NRG3: variants seen among roughly 807,000 people sequenced by gnomAD.
The protein encoded by NRG3 is neuregulin 3.
NRG3 carries 31 observed loss-of-function variants against 66.9 expected under a neutral mutation model. That is an observed-to-expected ratio of 0.46 (90% confidence interval 0.35 to 0.63). The LOEUF is 0.63. Ranked by LOEUF, NRG3 falls within the 20% of genes least tolerant of loss-of-function variation. The pLI is 0.00. For missense variants in NRG3, 910 were observed against 878.9 expected, an observed-to-expected ratio of 1.04 and a Z score of -0.45; for synonymous variants, 393 against 359.4, an observed-to-expected ratio of 1.09 and a Z score of -1.06.
chr10:81,953,416 C>G (rs1362004665), intron 1 of NRG3, among the ~76,000 whole-genome samples: 1 of 152,152 alleles, frequency 6.6e-6, no homozygotes. Context: ...CAGCAGGGCT[C>G]TGTCTTTCCT....
intron 1 of NRG3, among the ~76,000 whole-genome samples, chr10:82,113,622 A>G (rs146385396): frequency 1.1e-4 from 17 of 152,262 alleles, no homozygotes; most frequent in African/African-American, 3.4e-4. Context: ...TGGACCCTGG[A>G]ACAGATAAAA....
At chr10:82,131,300 C>G (rs2068800517) in intron 1 of NRG3, among the ~76,000 whole-genome samples, 1 of 152,032 alleles carries the variant, frequency 6.6e-6, no homozygotes. Flanking sequence ...AGAGACTACC[C>G]TTTCCCCAAT....
At chr10:81,918,671 CAAA>C (rs1845931513) in intron 1 of NRG3, among the ~76,000 whole-genome samples, 4 of 151,958 alleles carry the variant, frequency 2.6e-5, no homozygotes, top group South Asian at 2.1e-4. Flanking sequence ...TAAATTCAGT[CAAA>C]AGAAGATGCT....
chr10:81,875,592 G>A lies in NRG3; in HGVS notation c.252G>A (p.Met84Ile), dbSNP rs1171991568. ...TCATCGGCCTGGGGCTCAGCCTCAT[G>A]CTTCTCAAATGGATCGTGGTGGGCT... ...IGFIGLGLSL[M>I]LLKWIVVGSV... Residue 84 changes from methionine to isoleucine, a missense_variant, in exon 1 of 9, where the codon ATG becomes ATA. Met to Ile is a conservative substitution (Grantham distance 10, BLOSUM62 1). Coordinates refer to ENST00000372141, the MANE Select transcript of NRG3 (RefSeq NM_001010848.4). The surrounding 1 kb of genome is among the most constrained non-coding windows in gnomAD (Gnocchi z 5.3). 3 of 1,613,670 alleles carry A rather than the reference G, an allele frequency of 1.9e-6. No individual in the cohort carries two copies. Among genetic ancestry groups the A allele is most frequent in the Non-Finnish European group, 2.5e-6 (3 of 1,179,958 alleles).
chr10:82,407,443 A>G (rs948496557), intron 2 of NRG3, among the ~76,000 whole-genome samples: 1 of 152,156 alleles, frequency 6.6e-6, no homozygotes, highest in African/African-American at 2.4e-5. Context: ...CCTCAACTCT[A>G]TCACTTATGA....
chr10:82,784,777 C>T (rs911600133), intron 3 of NRG3, among the ~76,000 whole-genome samples: 9 of 151,960 alleles, frequency 5.9e-5, no homozygotes, highest in African/African-American at 1.5e-4. Flanking sequence ...CTAGTTCAAC[C>T]ATTGTGGAAG....
intron 1 of NRG3, among the ~76,000 whole-genome samples, chr10:82,004,469 C>G (rs913361217): frequency 1.3e-5 from 2 of 152,024 alleles, no homozygotes; most frequent in Admixed American, 1.3e-4. Flanking sequence ...ATTTATTTAC[C>G]ATGTGGCTTC....
chr10:82,547,059 C>T (rs1279263493), intron 2 of NRG3, among the ~76,000 whole-genome samples: 1 of 151,910 alleles, frequency 6.6e-6, no homozygotes, highest in Non-Finnish European at 1.5e-5. Context: ...TCTATGCAAT[C>T]ATAAAATTTG....
intron 1 of NRG3, among the ~76,000 whole-genome samples, chr10:81,937,034 C>T (rs1191363995): frequency 1.3e-5 from 2 of 152,132 alleles, no homozygotes; most frequent in Non-Finnish European, 2.9e-5. Flanking sequence ...AAACATTTGT[C>T]TTTCTGTGGC....
intron 2 of NRG3, among the ~76,000 whole-genome samples, chr10:82,648,081 T>G (rs926181577): frequency 1.3e-5 from 2 of 150,614 alleles, no homozygotes; most frequent in African/African-American, 4.9e-5. Context: ...TCCTTGCCCA[T>G]GCCTATGTCC....
chr10:82,604,641 T>G (rs1225774974), intron 2 of NRG3, among the ~76,000 whole-genome samples: 1 of 151,892 alleles, frequency 6.6e-6, no homozygotes, highest in Admixed American at 6.6e-5. Flanking sequence ...ACTGGAGAAA[T>G]AAGAGACAAA....
intron 2 of NRG3, among the ~76,000 whole-genome samples, chr10:82,482,121 A>G (rs1842320687): frequency 6.6e-6 from 1 of 152,166 alleles, no homozygotes; most frequent in East Asian, 1.9e-4. Context: ...AATATTAGGG[A>G]TTATACGTGT....
intron 2 of NRG3, among the ~76,000 whole-genome samples, chr10:82,709,806 TC>T (rs1209776273): frequency 2.0e-5 from 3 of 152,232 alleles, no homozygotes; most frequent in African/African-American, 4.8e-5. Context: ...AAGTCCAAGT[TC>T]CCATTGTCTG....
chr10:82,025,404 C>A (rs2062254435), intron 1 of NRG3, among the ~76,000 whole-genome samples: 1 of 151,002 alleles, frequency 6.6e-6, no homozygotes, highest in African/African-American at 2.5e-5. Flanking sequence ...ATGTGTTCTA[C>A]TTTGGAACAT....
At chr10:82,098,299 C>CAT (rs530097525) in intron 1 of NRG3, among the ~76,000 whole-genome samples, 1 of 150,216 alleles carries the variant, frequency 6.7e-6, no homozygotes, top group African/African-American at 2.5e-5. Context: ...ATATATATGT[C>CAT]ATATATATAG....
chr10:82,311,818 A>G (rs1207208118), intron 1 of NRG3, among the ~76,000 whole-genome samples: 7 of 152,268 alleles, frequency 4.6e-5, no homozygotes, highest in Non-Finnish European at 8.8e-5. Context: ...TTTTGCCCAC[A>G]ATCATTCAAG....
intron 1 of NRG3, among the ~76,000 whole-genome samples, chr10:82,021,444 A>G (rs1185938970): frequency 2.0e-5 from 3 of 152,144 alleles, no homozygotes; most frequent in Non-Finnish European, 4.4e-5. Context: ...GAAATCAAGT[A>G]GAGAGCTGGT....
At chr10:82,830,147 C>T (rs2062445420) in intron 3 of NRG3, among the ~76,000 whole-genome samples, 1 of 152,190 alleles carries the variant, frequency 6.6e-6, no homozygotes, top group Admixed American at 6.5e-5. Flanking sequence ...AACTTCTCTT[C>T]TTTGCAGAGT....
chr10:82,686,066 C>G (rs1290121509), intron 2 of NRG3, among the ~76,000 whole-genome samples: 3 of 151,968 alleles, frequency 2.0e-5, no homozygotes, highest in African/African-American at 7.3e-5. Context: ...AGAGTATACT[C>G]TAAAACAACC....
Sources: allele counts gnomAD v4.1 joint callset (sites outside exome capture counted in the v4.1 genomes callset), GRCh38; gene constraint gnomAD v4.1.1; non-coding constraint Gnocchi (gnomAD v3.1); transcripts MANE v1.5; gene names NCBI Gene and HGNC (gene_info 2026-07-23, HGNC 2026-07-21).